Variants in SSR2 observed in about 807,000 individuals in gnomAD.
The protein encoded by SSR2 is translocon-associated protein subunit beta.
SSR2 carries 16 observed loss-of-function variants against 22.6 expected under a neutral mutation model. The ratio of observed to expected loss-of-function variants is 0.71; its 90% CI spans 0.48 to 1.08. The LOEUF is 1.08. Among genes scored for constraint, SSR2 ranks in the 50% least tolerant of loss-of-function variants. The probability of loss-of-function intolerance (pLI) is 0.00; values close to 1 mark genes in which losing one functional copy is unlikely to be tolerated. For synonymous variants in SSR2, 83 were observed against 91.2 expected (o/e 0.91, Z 0.51); for missense variants, 171 against 221.6 (o/e 0.77, Z 1.45).
intron 2 of SSR2, among the ~76,000 whole-genome samples, chr1:156,019,534 G>A (rs373320922): frequency 1.3e-5 from 2 of 152,010 alleles, no homozygotes; most frequent in African/African-American, 4.8e-5. Flanking sequence ...ACAGGCGTCC[G>A]CCACCACGCC....
In SSR2 at chr1:156,011,989, T is replaced by G. The variant is rs1475785858; in HGVS notation, c.364-102A>C. ...GTCCCAACCAACCCAACTCTATGCATTAGAGTCTTAGTTCCCAAAGGCTCA... is the reference window on the plus strand; with the variant it reads ...GTCCCAACCAACCCAACTCTATGCAGTAGAGTCTTAGTTCCCAAAGGCTCA... On this transcript the variant is annotated intron_variant, in intron 4 of 5. Transcript: ENST00000295702. 3.8e-6 allele frequency: 3 copies of G among 783,706 alleles called. No homozygotes were observed. In the African/African-American group the frequency reaches 5.2e-5, roughly 14 times the overall value. The allele number at this position is 783,706 out of a possible 1,614,324, so 48.5% of individuals were successfully genotyped here. A position where few individuals can be genotyped will look rare whatever the true frequency, so the allele number is the denominator to read the frequency against.
chr1:156,020,865 A>T (rs1449087033), intron 1 of SSR2, 23 bp downstream of exon 1: 1 of 469,062 alleles, frequency 2.1e-6, no homozygotes, highest in African/African-American at 2.0e-5. Context: ...TCCCGTTCGG[A>T]CGCCCTAAGC....
At chr1:156,011,678 A>G (rs986974761) in intron 5 of SSR2, 132 bp downstream of exon 5, 3 of 696,626 alleles carry the variant, frequency 4.3e-6, no homozygotes, top group Non-Finnish European at 7.5e-6. Flanking sequence ...ATGAGTATCT[A>G]TATCAGACAC....
chr1:156,015,367 C>A (rs1233866261), intron 3 of SSR2, among the ~76,000 whole-genome samples: 2 of 150,870 alleles, frequency 1.3e-5, no homozygotes, highest in African/African-American at 4.9e-5. Flanking sequence ...ATTAGCTGGG[C>A]ATGGCAGCAT....
chr1:156,017,837 G>A (rs890920325), intron 3 of SSR2, among the ~76,000 whole-genome samples: 2 of 120,350 alleles, frequency 1.7e-5, no homozygotes, highest in Non-Finnish European at 3.2e-5. Flanking sequence ...TGCAACCTCC[G>A]CCTCCTGGGT....
intron 2 of SSR2, chr1:156,019,323 TA>T: frequency 2.6e-6 from 1 of 383,842 alleles, no homozygotes; most frequent in Non-Finnish European, 5.3e-6. Context: ...GAGAAAGTTA[TA>T]AGGGAATAAA....
In SSR2 at chr1:156,018,297, A is replaced by G; in HGVS notation, c.227T>C (p.Leu76Pro). ...PEDFGIVSGMLNVKWDRIAPA... is the reference protein window; with the variant it reads ...PEDFGIVSGMPNVKWDRIAPA... ...GGCAATCCGGTCCCATTTGACATTG[A>G]GCATTCCAGACACAATGCCAAAGTC... is the stretch of plus-strand genomic sequence containing the variant. Residue 76 changes from leucine (L) to proline (P), a missense_variant, in exon 3 of 6, where the codon CTC becomes CCC. Leu to Pro is a moderately conservative substitution (Grantham distance 98). Coordinates refer to ENST00000295702, the MANE Select transcript of SSR2 (RefSeq NM_003145.4). 6.2e-7 allele frequency: 1 copy of G among 1,614,048 alleles called. No homozygotes were observed.
intron 4 of SSR2, chr1:156,012,825 G>A: frequency 3.5e-6 from 1 of 284,636 alleles, no homozygotes; most frequent in Non-Finnish European, 7.1e-6. Context: ...GCTTTTTGAG[G>A]ACTTGGACAG....
chr1:156,018,907 C>A (rs570222047), intron 2 of SSR2, among the ~76,000 whole-genome samples: 1 of 151,756 alleles, frequency 6.6e-6, no homozygotes, highest in Admixed American at 6.6e-5. Context: ...TGGTGGTATG[C>A]GCCTGTAATC....
chr1:156,020,852 C>G (rs1305211658), intron 1 of SSR2, 36 bp downstream of exon 1: 1 of 468,348 alleles, frequency 2.1e-6, no homozygotes, highest in Non-Finnish European at 4.5e-6. Flanking sequence ...AGGCTCTCGC[C>G]TCTCCCGTTC....
At chr1:156,017,819 C>T (rs1050805509) in intron 3 of SSR2, among the ~76,000 whole-genome samples, 3 of 121,172 alleles carry the variant, frequency 2.5e-5, no homozygotes, top group African/African-American at 6.1e-5. Context: ...GGCAGGATCT[C>T]GGCTCACTGC....
chr1:156,012,857 C>T (rs1000461854), intron 4 of SSR2: 3 of 215,094 alleles, frequency 1.4e-5, no homozygotes, highest in African/African-American at 6.8e-5. Flanking sequence ...TCTTGGTATT[C>T]CCCAGAGTCT....
At chr1:156,017,196 G>A (rs1322279359) in intron 3 of SSR2, among the ~76,000 whole-genome samples, 1 of 152,092 alleles carries the variant, frequency 6.6e-6, no homozygotes, top group Non-Finnish European at 1.5e-5. Context: ...ATAGGCATGT[G>A]CCACCGCACC....
chr1:156,019,889 A>G, intron 2 of SSR2, 124 bp downstream of exon 2: 1 of 1,064,988 alleles, frequency 9.4e-7, no homozygotes, highest in Admixed American at 2.8e-5. Context: ...TCATTCACTC[A>G]ATATATCTGA....
At chr1:156,019,181 TTGCTCAGAAGCA>T (rs1683108467) in intron 2 of SSR2, 1 of 427,330 alleles carries the variant, frequency 2.3e-6, no homozygotes. Flanking sequence ...CTGGATTCTA[TTGCTCAGAAGCA>T]CCAAAATAAT....
rs1280644098 is a variant in SSR2 at position 156,011,572 on chromosome 1, C to T, written c.441+238G>A. 2.8e-5 allele frequency: 9 copies of T among 325,966 alleles called. No homozygotes were observed. The East Asian group carries it at 3.0e-4, about 11-fold the overall frequency. 20.2% of individuals were successfully genotyped at this position (325,966 alleles called of 1,614,324 possible). A position where few individuals can be genotyped will look rare whatever the true frequency, so the allele number is the denominator to read the frequency against. ...CCCAGGAGTTTAAGATGGGTATCTA[C>T]TCAAAGATGGGACTCTACTTAAGTC... On this transcript the variant is annotated intron_variant, in intron 5 of 5. Transcript: ENST00000295702.
intron 5 of SSR2, chr1:156,011,501 C>T (rs1428262846): frequency 1.0e-5 from 2 of 191,770 alleles, no homozygotes; most frequent in East Asian, 2.3e-4. Context: ...TGATCTATGA[C>T]CCTCTGAATC....
intron 4 of SSR2, chr1:156,013,507 A>G (rs4661079): frequency 0.5 from 76,890 of 153,388 alleles, 21,415 homozygotes; most frequent in Non-Finnish European, 0.63. Flanking sequence ...GCAGAAAACA[A>G]GGAGACATAG....
chr1:156,018,857 A>G (rs1361396373), intron 2 of SSR2, among the ~76,000 whole-genome samples: 1 of 150,838 alleles, frequency 6.6e-6, no homozygotes, highest in African/African-American at 2.4e-5. Context: ...TCTAAAATAC[A>G]AAAAATCCTG....
Sources: allele counts gnomAD v4.1 joint callset (sites outside exome capture counted in the v4.1 genomes callset), GRCh38; gene constraint gnomAD v4.1.1; transcripts MANE v1.5; gene names NCBI Gene and HGNC (gene_info 2026-07-23, HGNC 2026-07-21).